Variants in PTPRD observed in about 807,000 individuals in gnomAD.
PTPRD encodes the protein protein tyrosine phosphatase receptor type D.
PTPRD carries 34 observed loss-of-function variants against 214.5 expected under a neutral mutation model. The ratio of observed to expected loss-of-function variants is 0.16; its 90% CI spans 0.12 to 0.21. The LOEUF (loss-of-function observed/expected upper bound fraction) is 0.21. PTPRD is among the 10% of genes least tolerant of loss of function. The pLI, the probability that PTPRD is intolerant of heterozygous loss-of-function variation, is 1.00. For missense variants in PTPRD, 2,545 were observed against 2,398.7 expected, an observed-to-expected ratio of 1.06 and a Z score of -1.27; for synonymous variants, 1,128 against 845.7, an observed-to-expected ratio of 1.33 and a Z score of -5.79.
intron 27 of PTPRD, among the ~76,000 whole-genome samples, 160 bp downstream of exon 27, chr9:8,492,702 T>C (rs904038025): frequency 5.5e-5 from 7 of 127,262 alleles, no homozygotes; most frequent in African/African-American, 2.4e-4. Flanking sequence ...TTCCCTGATC[T>C]ATTTTTTTTT....
chr9:8,320,941 C>G (rs76362307), intron 44 of PTPRD, among the ~76,000 whole-genome samples: 6,270 of 152,076 alleles, frequency 0.041, 195 homozygotes, highest in South Asian at 0.16. Flanking sequence ...CACTTGGGCA[C>G]GGGCTGTAGA....
At chr9:9,780,801 A>G (rs1423159676) in intron 5 of PTPRD, among the ~76,000 whole-genome samples, 1 of 152,256 alleles carries the variant, frequency 6.6e-6, no homozygotes, top group Non-Finnish European at 1.5e-5. Context: ...TGAAAACAGT[A>G]GTTTATAAAC....
chr9:9,403,469 T>A (rs78873201), intron 8 of PTPRD, among the ~76,000 whole-genome samples: 82,114 of 150,746 alleles, frequency 0.54, 22,444 homozygotes, highest in South Asian at 0.59. Context: ...TAAGATGCAC[T>A]CCTTAGATTT....
chr9:10,471,329 A>G (rs1398537441), intron 2 of PTPRD, among the ~76,000 whole-genome samples: 2 of 152,042 alleles, frequency 1.3e-5, no homozygotes, highest in Non-Finnish European at 2.9e-5. Flanking sequence ...TAAAATGTCA[A>G]TCTCTACTGA....
intron 3 of PTPRD, among the ~76,000 whole-genome samples, chr9:10,271,361 T>C (rs1198176536): frequency 7.5e-6 from 1 of 132,754 alleles, no homozygotes; most frequent in Non-Finnish European, 1.7e-5. Flanking sequence ...TATTTTTGAG[T>C]AATTAAAATT....
chr9:10,416,635 G>T (rs1587732593), intron 2 of PTPRD, among the ~76,000 whole-genome samples: 1 of 151,820 alleles, frequency 6.6e-6, no homozygotes, highest in Non-Finnish European at 1.5e-5. Context: ...ACAACTGTTG[G>T]TATGGCAAAG....
intron 3 of PTPRD, among the ~76,000 whole-genome samples, chr9:10,060,824 CT>C (rs1181449735): frequency 8.0e-6 from 1 of 125,608 alleles, no homozygotes; most frequent in Admixed American, 7.2e-5. Flanking sequence ...TTCTTTCTTT[CT>C]TTCTTCCTTC....
chr9:9,102,467 T>C (rs1591648913), intron 10 of PTPRD, among the ~76,000 whole-genome samples: 1 of 151,626 alleles, frequency 6.6e-6, no homozygotes, highest in African/African-American at 2.4e-5. Flanking sequence ...GCCAAGGGGG[T>C]AGAGAGAGGT....
At chr9:9,991,787 A>G (rs1192052058) in intron 4 of PTPRD, among the ~76,000 whole-genome samples, 2 of 151,948 alleles carry the variant, frequency 1.3e-5, no homozygotes, top group African/African-American at 2.4e-5. Flanking sequence ...CATTGTCAAA[A>G]ACCAGACAAT....
intron 2 of PTPRD, among the ~76,000 whole-genome samples, chr9:10,471,157 TA>T (rs1266640849): frequency 6.4e-5 from 3 of 47,222 alleles, no homozygotes; most frequent in African/African-American, 1.8e-4. Flanking sequence ...GGTTGGGGGC[TA>T]GGGGAAGGAC....
intron 5 of PTPRD, among the ~76,000 whole-genome samples, chr9:9,888,894 T>C (rs2072065709): frequency 6.6e-6 from 1 of 152,146 alleles, no homozygotes; most frequent in African/African-American, 2.4e-5. Flanking sequence ...CCTATTGCAG[T>C]ACCTCTTTTT....
chr9:9,686,815 A>C (rs2097173992), intron 7 of PTPRD, among the ~76,000 whole-genome samples: 1 of 151,810 alleles, frequency 6.6e-6, no homozygotes, highest in African/African-American at 2.4e-5. Context: ...AGATACTCTT[A>C]GAAGTTATCA....
chr9:8,402,779 T>C (rs2092569737), intron 36 of PTPRD, among the ~76,000 whole-genome samples: 1 of 152,058 alleles, frequency 6.6e-6, no homozygotes, highest in Non-Finnish European at 1.5e-5. Context: ...TTACAGTTTT[T>C]AAACAGAATT....
At chr9:8,408,916 A>G (rs1485817524) in intron 35 of PTPRD, among the ~76,000 whole-genome samples, 4 of 152,198 alleles carry the variant, frequency 2.6e-5, no homozygotes, top group African/African-American at 9.7e-5. Flanking sequence ...TCTCAAGCAG[A>G]TACTTGCTAA....
intron 10 of PTPRD, among the ~76,000 whole-genome samples, chr9:9,019,541 C>T (rs1047368404): frequency 3.3e-5 from 5 of 152,062 alleles, no homozygotes; most frequent in African/African-American, 9.7e-5. Context: ...CCCATCTCTA[C>T]TCAAAATACA....
At chr9:9,200,112 A>T (rs1426452227) in intron 9 of PTPRD, among the ~76,000 whole-genome samples, 1 of 152,206 alleles carries the variant, frequency 6.6e-6, no homozygotes, top group Non-Finnish European at 1.5e-5. Flanking sequence ...CGAGGAAATA[A>T]GTTGCCTCTG....
At chr9:8,756,544 T>A (rs2154471878) in intron 11 of PTPRD, among the ~76,000 whole-genome samples, 1 of 152,268 alleles carries the variant, frequency 6.6e-6, no homozygotes, top group Middle Eastern at 3.4e-3. Context: ...GCTACAGTGT[T>A]TACTTTTTGT....
chr9:8,623,905 G>A (rs1022568269), intron 14 of PTPRD, among the ~76,000 whole-genome samples: 4 of 151,706 alleles, frequency 2.6e-5, no homozygotes, highest in South Asian at 2.1e-4. Flanking sequence ...CAAAACAAAC[G>A]AATAAACGAA....
At chr9:9,225,180 T>C (rs2133556789) in intron 9 of PTPRD, among the ~76,000 whole-genome samples, 1 of 152,138 alleles carries the variant, frequency 6.6e-6, no homozygotes, top group Admixed American at 6.6e-5. Context: ...AAGGCTGAAC[T>C]AAGATGGAAC....
Sources: gnomAD v4.1 joint callset for allele counts (sites outside exome capture counted in the v4.1 genomes callset) on GRCh38, gnomAD v4.1.1 for gene constraint, MANE v1.5 for transcripts, NCBI Gene and HGNC (gene_info 2026-07-23, HGNC 2026-07-21) for gene names.